CLPSL1: variants seen among roughly 807,000 people sequenced by gnomAD.
CLPSL1 encodes colipase like 1, also known as colipase-like protein 1.
In CLPSL1, 13 loss-of-function variants were observed where a neutral mutation model predicts 9.3. The ratio of observed to expected loss-of-function variants is 1.40; its 90% CI spans 0.91 to 2.22. CLPSL1 has a LOEUF of 2.22. Ranked by LOEUF, CLPSL1 falls within the 30% of genes most tolerant of loss-of-function variation. The probability of loss-of-function intolerance (pLI) is 0.00; values close to 1 mark genes in which losing one functional copy is unlikely to be tolerated. For missense variants in CLPSL1, 164 were observed against 146.6 expected, an observed-to-expected ratio of 1.12 and a Z score of -0.61; for synonymous variants, 58 against 56.9, an observed-to-expected ratio of 1.02 and a Z score of -0.08.
chr6:35,785,096 C>T (rs1768042324), intron 1 of CLPSL1, among the ~76,000 whole-genome samples: 1 of 151,874 alleles, frequency 6.6e-6, no homozygotes, highest in Non-Finnish European at 1.5e-5. Context: ...GAAGTGAGCA[C>T]ATGCAGGGTG....
chr6:35,786,884 G>A (rs1768084525), intron 1 of CLPSL1, 114 bp from the exon 2 acceptor site: 4 of 1,336,108 alleles, frequency 3.0e-6, no homozygotes, highest in South Asian at 2.7e-5. Context: ...GGAGCCAGAG[G>A]TGATGGTGGG....
At position 35,787,094 on chromosome 6, in the gene CLPSL1, T is replaced by C; in HGVS notation, c.196T>C (p.Ser66Pro). Residue 66 changes from serine (S) to proline (P), a missense_variant, in exon 2 of 3, where the codon TCC becomes CCC. Coordinates refer to ENST00000373861, the MANE Select transcript of CLPSL1 (RefSeq NM_001010886.5). ...NCESHCAEKG[S>P]EGSLCQTQVF... ...CGAGTCGCACTGCGCGGAGAAGGGG[T>C]CCGAGGGCAGTCTGTGTCAAACGCA... 6.2e-7 allele frequency: 1 copy of C among 1,611,174 alleles called. No homozygotes were observed. Among genetic ancestry groups the C allele is most frequent in the Non-Finnish European group, 8.5e-7 (1 of 1,179,416 alleles).
rs768216479 is a variant in CLPSL1 at position 35,787,079 on chromosome 6, T to C, written c.181T>C (p.Cys61Arg). 1.2e-6 allele frequency: 2 copies of C among 1,609,938 alleles called. No individual in the cohort carries two copies. The highest frequency in any genetic ancestry group is 3.4e-5 in the Admixed American group (2 of 59,138). ...TGCTCCAGACAATTGCGAGTCGCAC[T>C]GCGCGGAGAAGGGGTCCGAGGGCAG... ...QRAPDNCESH[C>R]AEKGSEGSLC... Residue 61 changes from cysteine to arginine, a missense_variant, in exon 2 of 3, where the codon TGC becomes CGC. Coordinates refer to ENST00000373861, the MANE Select transcript of CLPSL1 (RefSeq NM_001010886.5).
chr6:35,791,987 GATTCA>G (rs1768226148), downstream of CLPSL1, among the ~76,000 whole-genome samples: 1 of 150,818 alleles, frequency 6.6e-6, no homozygotes, highest in Non-Finnish European at 1.5e-5. Flanking sequence ...TCGGGAGGCT[GATTCA>G]GGAGAATTGC....
rs1020469136 is a variant in CLPSL1 at position 35,786,981 on chromosome 6, C to T, written c.100-17C>T. The T allele has an allele frequency of 3.8e-6, 6 of 1,565,128 alleles. No homozygotes were observed. Among genetic ancestry groups the T allele is most frequent in the East Asian group, 2.3e-5 (1 of 42,606 alleles). The stretch of plus-strand genomic sequence containing the variant: ...GGCGGGCGGTGGAGCCTGGCGGTGC[C>T]GTGTCCCTCCCTGCAGGAGCTCAAG... On this transcript the variant is annotated splice_polypyrimidine_tract_variant and intron_variant, in intron 1 of 2. Transcript: ENST00000373861.
At chr6:35,786,036 G>A (rs1363339447) in intron 1 of CLPSL1, among the ~76,000 whole-genome samples, 2 of 151,936 alleles carry the variant, frequency 1.3e-5, no homozygotes, top group Non-Finnish European at 2.9e-5. Context: ...AGGCCGAGGC[G>A]GGTGGATCAC....
At chr6:35,785,413 G>A (rs1400926622) in intron 1 of CLPSL1, among the ~76,000 whole-genome samples, 9 of 151,900 alleles carry the variant, frequency 5.9e-5, no homozygotes, top group Non-Finnish European at 1.2e-4. Context: ...TCCTGACCTC[G>A]TGATCTGCCC....
At chr6:35,782,147 G>A (rs1029260883) in intron 1 of CLPSL1, among the ~76,000 whole-genome samples, 2 of 152,248 alleles carry the variant, frequency 1.3e-5, no homozygotes, top group South Asian at 2.1e-4. Flanking sequence ...CTTCCTAACC[G>A]GCAAAGCAGG....
downstream of CLPSL1, among the ~76,000 whole-genome samples, chr6:35,791,230 G>A (rs1039137247): frequency 2.6e-5 from 4 of 152,260 alleles, no homozygotes; most frequent in Admixed American, 2.0e-4. Flanking sequence ...AGATTTGTAG[G>A]GAATAAAGTA....
chr6:35,788,072 G>A lies in CLPSL1; in HGVS notation c.*62G>A. 7.5e-7 allele frequency: 1 copy of A among 1,333,602 alleles called. No homozygotes were observed. Among genetic ancestry groups the A allele is most frequent in the South Asian group, 1.2e-5 (1 of 84,370 alleles). The allele number at this position is 1,333,602 out of a possible 1,614,324, so 82.6% of individuals were successfully genotyped here. On this transcript the variant is annotated 3_prime_UTR_variant, in exon 3 of 3. Transcript: ENST00000373861. ...TGCTCTCCTCCCTACCCAGAGCTCTGTGTTCACCCTGTTCCCCAGAGCCTC... is the reference window on the plus strand; with the variant it reads ...TGCTCTCCTCCCTACCCAGAGCTCTATGTTCACCCTGTTCCCCAGAGCCTC...
chr6:35,786,543 G>T (rs1768076128), intron 1 of CLPSL1, among the ~76,000 whole-genome samples: 2 of 152,198 alleles, frequency 1.3e-5, no homozygotes, highest in Non-Finnish European at 2.9e-5. Flanking sequence ...ATGATGGGTG[G>T]CTGTGATCAA....
chr6:35,791,660 G>T (rs1483028323), downstream of CLPSL1, among the ~76,000 whole-genome samples: 2 of 152,188 alleles, frequency 1.3e-5, no homozygotes. Flanking sequence ...GGCAGGTGTG[G>T]TGGCTTGTGC....
At chr6:35,786,891 TG>T in intron 1 of CLPSL1, 106 bp from the exon 2 acceptor site, 2 of 1,377,092 alleles carry the variant, frequency 1.5e-6, no homozygotes, top group South Asian at 2.6e-5. Context: ...GAGGTGATGG[TG>T]GGAGCAGAGT....
intron 1 of CLPSL1, among the ~76,000 whole-genome samples, chr6:35,784,638 G>T (rs999881789): frequency 1.7e-4 from 26 of 152,300 alleles, no homozygotes; most frequent in African/African-American, 5.8e-4. Flanking sequence ...GGTGGTTCAT[G>T]GCTGTAATCC....
At chr6:35,785,268 C>G (rs1194825671) in intron 1 of CLPSL1, among the ~76,000 whole-genome samples, 1 of 151,068 alleles carries the variant, frequency 6.6e-6, no homozygotes, top group Non-Finnish European at 1.5e-5. Flanking sequence ...AGCTCCACCT[C>G]CCGGGTTCAC....
exon 2 of CLPSL1, chr6:35,793,651 A>G (rs1768267591): frequency 4.4e-6 from 2 of 456,952 alleles, no homozygotes; most frequent in East Asian, 7.1e-5. Flanking sequence ...TGAGAAATAT[A>G]CGTTCCTATT....
chr6:35,782,154 C>A (rs1284649371), intron 1 of CLPSL1, among the ~76,000 whole-genome samples: 1 of 152,100 alleles, frequency 6.6e-6, no homozygotes, highest in African/African-American at 2.4e-5. Flanking sequence ...ACCGGCAAAG[C>A]AGGGGGGTCT....
At chr6:35,781,547 C>T (rs546712436) in intron 1 of CLPSL1, among the ~76,000 whole-genome samples, 122 of 152,108 alleles carry the variant, frequency 8.0e-4, no homozygotes, top group Non-Finnish European at 1.1e-3. Context: ...AGTGATAGGG[C>T]TGTGAGCAAG....
At chr6:35,793,478 G>T (rs781351259) in intron 1 of CLPSL1, 155 of 468,270 alleles carry the variant, frequency 3.3e-4, no homozygotes, top group African/African-American at 2.0e-3. Flanking sequence ...TCCTTCTCCC[G>T]CCTTCCCAGC....
Sources: gnomAD v4.1 joint callset for allele counts (sites outside exome capture counted in the v4.1 genomes callset) on GRCh38, gnomAD v4.1.1 for gene constraint, MANE v1.5 for transcripts, NCBI Gene and HGNC (gene_info 2026-07-23, HGNC 2026-07-21) for gene names.